Variants in NOC3L observed in about 807,000 individuals in gnomAD.
NOC3L encodes the protein NOC3 like DNA replication regulator.
Under a neutral mutation model 102.5 loss-of-function variants are expected in NOC3L, and 85 were observed. That is an observed-to-expected ratio of 0.83 (90% CI 0.70 to 0.99). NOC3L has a LOEUF of 0.99. Ranked by LOEUF, NOC3L falls within the 50% of genes least tolerant of loss-of-function variation. The pLI is 0.00. For missense variants in NOC3L, 878 were observed against 914.9 expected (o/e 0.96, Z 0.52); for synonymous variants, 303 against 309.4 (o/e 0.98, Z 0.22).
chr10:94,316,884 A>G, the NOC3L span: 1 of 722,362 alleles, frequency 1.4e-6, no homozygotes, highest in South Asian at 1.5e-5. Context: ...TCTTAAGTAA[A>G]TGTGGATGAA....
At chr10:94,357,048 A>C in intron 4 of NOC3L, 126 bp downstream of exon 4, 4 of 684,334 alleles carry the variant, frequency 5.8e-6, no homozygotes, top group Non-Finnish European at 9.2e-6. Context: ...AGCTTGCTAT[A>C]AGACTAATTG....
intron 13 of NOC3L, among the ~76,000 whole-genome samples, chr10:94,342,866 C>G (rs1300590301): frequency 2.0e-5 from 3 of 152,016 alleles, no homozygotes; most frequent in African/African-American, 7.2e-5. Flanking sequence ...GGATGGATCA[C>G]CTAAGGTCAG....
the NOC3L span, chr10:94,316,885 T>C: frequency 1.1e-5 from 8 of 723,564 alleles, no homozygotes; most frequent in African/African-American, 1.2e-4. Flanking sequence ...CTTAAGTAAA[T>C]GTGGATGAAC....
chr10:94,344,897 G>T lies in NOC3L; in HGVS notation c.1426C>A (p.Arg476=). The T allele has an allele frequency of 6.2e-7, 1 of 1,610,212 alleles. No individual in the cohort carries two copies. The highest frequency in any genetic ancestry group is 1.7e-5 in the Admixed American group (1 of 59,286). ...KAEEKLEREL[R]EAEASESTEK... ...GTACTCTCTGAAGCTTCTGCCTCTCGAAGCTCTCGCTCTAGTTTCTCTTCT... is the reference window on the plus strand; with the variant it reads ...GTACTCTCTGAAGCTTCTGCCTCTCTAAGCTCTCGCTCTAGTTTCTCTTCT... The change falls in exon 12 of 21, where the codon CGA becomes AGA. Residue 476 remains arginine (R), a synonymous_variant. Transcript: ENST00000371361.
chr10:94,316,912 A>G, the NOC3L span, among the ~76,000 whole-genome samples: 4 of 152,362 alleles, frequency 2.6e-5, no homozygotes, highest in Admixed American at 6.5e-5. Flanking sequence ...ATTCTTCTGC[A>G]CATAATCAGA....
chr10:94,324,761 A>C, the NOC3L span: 2 of 1,020,556 alleles, frequency 2.0e-6, no homozygotes, highest in East Asian at 5.0e-5. Context: ...GCAGTCCTAG[A>C]GGGGAGCTCC....
intron 3 of NOC3L, chr10:94,357,862 C>T (rs1210282486): frequency 2.0e-6 from 1 of 502,392 alleles, no homozygotes; most frequent in Non-Finnish European, 3.5e-6. Flanking sequence ...CCCCCATTCA[C>T]TCTACTTGAC....
chr10:94,349,466 G>C (rs1205894559), intron 9 of NOC3L, 88 bp from the exon 10 acceptor site: 4 of 1,221,356 alleles, frequency 3.3e-6, no homozygotes, highest in African/African-American at 3.1e-5. Context: ...GTTGTAGGGG[G>C]ACTGTCCTAG....
chr10:94,338,585 A>T lies in NOC3L; in HGVS notation c.2091+23T>A, dbSNP rs752576575. ...ATTATTCACAAACATCCCCAAAAAG[A>T]AAAAAACCAGGGCCACTCTTACCCG... On this transcript the variant is annotated intron_variant, in intron 18 of 20. Transcript: ENST00000371361. 7 of 1,482,328 alleles carry T rather than the reference A, an allele frequency of 4.7e-6. 1 individual carries two copies. In the African/African-American group the frequency reaches 9.8e-5, roughly 21 times the overall value. 91.8% of individuals were successfully genotyped at this position (1,482,328 alleles called of 1,614,324 possible).
the NOC3L span, among the ~76,000 whole-genome samples, chr10:94,319,016 C>T: frequency 6.6e-6 from 1 of 152,106 alleles, no homozygotes; most frequent in Non-Finnish European, 1.5e-5. Context: ...CCACTGTGTT[C>T]CAGCCTGGGT....
the NOC3L span, among the ~76,000 whole-genome samples, chr10:94,326,174 G>C: frequency 3.3e-5 from 5 of 152,196 alleles, no homozygotes; most frequent in African/African-American, 1.2e-4. Context: ...TTCCCAAGAT[G>C]AACAGCACAG....
At position 94,334,288 on chromosome 10, in the gene NOC3L, C is replaced by G; in HGVS notation, c.2292G>C (p.Gly764=). The G allele has an allele frequency of 1.2e-6, 2 of 1,601,426 alleles. No homozygotes were observed. Among genetic ancestry groups the G allele is most frequent in the Non-Finnish European group, 1.7e-6 (2 of 1,171,470 alleles). The change falls in exon 21 of 21, where the codon GGG becomes GGC. Residue 764 remains glycine, a synonymous_variant. Transcript: ENST00000371361. ...NPKIKGKFLQ[G]DSFLNEDLNQ... The stretch of plus-strand genomic sequence containing the variant: ...TTAAATCTTCATTCAAAAATGAATC[C>G]CCTTGTAAAAATTTACCCTAGGAAA...
At chr10:94,324,926 T>A in the NOC3L span, 1 of 1,614,188 alleles carries the variant, frequency 6.2e-7, no homozygotes. Flanking sequence ...GGCATTTCTT[T>A]CGCAAGTGAA....
At chr10:94,335,258 C>G (rs12243492) in intron 19 of NOC3L, among the ~76,000 whole-genome samples, 1 of 152,124 alleles carries the variant, frequency 6.6e-6, no homozygotes, top group African/African-American at 2.4e-5. Flanking sequence ...CAATTAGGCT[C>G]ACATCCCAAT....
the NOC3L span, among the ~76,000 whole-genome samples, chr10:94,320,172 T>C: frequency 6.6e-6 from 1 of 152,072 alleles, no homozygotes; most frequent in Non-Finnish European, 1.5e-5. Context: ...ATCAGTGCAA[T>C]GACATATTAT....
chr10:94,344,671 A>T (rs1213843459), intron 12 of NOC3L, among the ~76,000 whole-genome samples, 156 bp from the exon 13 acceptor site: 1 of 152,202 alleles, frequency 6.6e-6, no homozygotes, highest in Non-Finnish European at 1.5e-5. Context: ...ATGAAGATAT[A>T]CACCCTGTGA....
At chr10:94,321,770 C>G in the NOC3L span, 1 of 670,484 alleles carries the variant, frequency 1.5e-6, no homozygotes, top group Non-Finnish European at 2.6e-6. Flanking sequence ...GAAATAATAA[C>G]ATAGTATATG....
intron 17 of NOC3L, among the ~76,000 whole-genome samples, chr10:94,338,993 A>T (rs1457582032): frequency 6.6e-6 from 1 of 152,234 alleles, no homozygotes; most frequent in Non-Finnish European, 1.5e-5. Context: ...CTCACCTTGC[A>T]ATCACACTTT....
intron 14 of NOC3L, among the ~76,000 whole-genome samples, chr10:94,341,375 A>C (rs2054282187): frequency 6.6e-6 from 1 of 151,870 alleles, no homozygotes; most frequent in Non-Finnish European, 1.5e-5. Context: ...TATTATATGA[A>C]TATATTTAAT....
Sources: gnomAD v4.1 joint callset for allele counts (sites outside exome capture counted in the v4.1 genomes callset) on GRCh38, gnomAD v4.1.1 for gene constraint, MANE v1.5 for transcripts, NCBI Gene and HGNC (gene_info 2026-07-23, HGNC 2026-07-21) for gene names.